GALNTL6: variants seen among roughly 807,000 people sequenced by gnomAD.
GALNTL6 encodes polypeptide N-acetylgalactosaminyltransferase like 6.
In GALNTL6, 46 loss-of-function variants were observed where a neutral mutation model predicts 73.7. That is an observed-to-expected ratio of 0.62 (90% CI 0.49 to 0.80). GALNTL6 has a LOEUF of 0.80. Among genes scored for constraint, GALNTL6 ranks in the 30% least tolerant of loss-of-function variants. The probability of loss-of-function intolerance (pLI) is 0.00; values close to 1 mark genes in which losing one functional copy is unlikely to be tolerated. For synonymous variants in GALNTL6, 259 were observed against 263.7 expected (o/e 0.98, Z 0.17); for missense variants, 604 against 755.0 (o/e 0.80, Z 2.34).
intron 2 of GALNTL6, among the ~76,000 whole-genome samples, chr4:172,121,428 CAA>C (rs1733148710): frequency 1.3e-5 from 2 of 152,126 alleles, no homozygotes; most frequent in South Asian, 4.1e-4. Flanking sequence ...GGTTTTAACA[CAA>C]GTGACTCCAT....
At chr4:172,060,264 T>A (rs1305849374) in intron 2 of GALNTL6, among the ~76,000 whole-genome samples, 1 of 152,126 alleles carries the variant, frequency 6.6e-6, no homozygotes, top group Non-Finnish European at 1.5e-5. Flanking sequence ...AATCAAATAT[T>A]TCTGTATGTA....
intron 5 of GALNTL6, among the ~76,000 whole-genome samples, chr4:172,570,506 A>G (rs1736720826): frequency 6.6e-6 from 1 of 152,166 alleles, no homozygotes; most frequent in Non-Finnish European, 1.5e-5. Context: ...TCTGTAAGCT[A>G]AGGAGAGAGT....
intron 5 of GALNTL6, among the ~76,000 whole-genome samples, chr4:172,745,515 C>G (rs543709104): frequency 2.0e-5 from 3 of 150,696 alleles, no homozygotes; most frequent in African/African-American, 7.4e-5. Context: ...AATCATCTGA[C>G]CAGCAGTGTG....
chr4:172,270,567 G>A (rs1738606650), intron 3 of GALNTL6, among the ~76,000 whole-genome samples: 1 of 152,070 alleles, frequency 6.6e-6, no homozygotes, highest in Non-Finnish European at 1.5e-5. Flanking sequence ...ATCACCTACG[G>A]CTTCTCTGCC....
At chr4:172,163,942 C>T (rs1734547224) in intron 2 of GALNTL6, among the ~76,000 whole-genome samples, 2 of 151,712 alleles carry the variant, frequency 1.3e-5, no homozygotes, top group Admixed American at 1.3e-4. Context: ...CATATATATG[C>T]CTGATCTACT....
intron 2 of GALNTL6, among the ~76,000 whole-genome samples, chr4:172,216,463 C>T (rs1056802848): frequency 6.6e-6 from 1 of 152,030 alleles, no homozygotes; most frequent in Non-Finnish European, 1.5e-5. Flanking sequence ...CCCTTCCCAC[C>T]CACTCTGACT....
intron 12 of GALNTL6, among the ~76,000 whole-genome samples, chr4:173,024,798 C>T (rs983653955): frequency 2.6e-5 from 4 of 152,076 alleles, no homozygotes; most frequent in African/African-American, 4.8e-5. Context: ...ACGCTGGTCT[C>T]GAACTCCTGA....
intron 3 of GALNTL6, among the ~76,000 whole-genome samples, chr4:172,265,219 C>G (rs1280899643): frequency 6.6e-6 from 1 of 151,880 alleles, no homozygotes; most frequent in Non-Finnish European, 1.5e-5. Context: ...AATTGGTTAT[C>G]AACAGAGATG....
chr4:172,392,484 G>C (rs1743700270), intron 5 of GALNTL6, among the ~76,000 whole-genome samples: 1 of 146,664 alleles, frequency 6.8e-6, no homozygotes, highest in African/African-American at 2.5e-5. Flanking sequence ...TTTTAATATA[G>C]AGCAGTCTCG....
intron 2 of GALNTL6, among the ~76,000 whole-genome samples, chr4:172,016,823 G>T (rs556467777): frequency 5.9e-5 from 9 of 151,858 alleles, no homozygotes; most frequent in Admixed American, 2.0e-4. Context: ...GATTCTTGGG[G>T]CTTCTAGGGG....
chr4:172,052,656 T>C (rs558810662), intron 2 of GALNTL6: 73 of 578,616 alleles, frequency 1.3e-4, no homozygotes, highest in Admixed American at 3.4e-4. Context: ...CTCTTTCTTT[T>C]GTGATCACTT....
intron 7 of GALNTL6, among the ~76,000 whole-genome samples, chr4:172,842,230 G>C (rs944162821): frequency 6.6e-6 from 1 of 152,164 alleles, no homozygotes; most frequent in Non-Finnish European, 1.5e-5. Context: ...ATGGCTTAAA[G>C]AATTTACCAT....
chr4:171,998,555 A>T (rs1740569141), intron 2 of GALNTL6, among the ~76,000 whole-genome samples: 1 of 152,136 alleles, frequency 6.6e-6, no homozygotes, highest in Non-Finnish European at 1.5e-5. Context: ...GGGGGTTAGG[A>T]CTTAAATATA....
At chr4:172,263,165 C>T (rs1447194682) in intron 3 of GALNTL6, among the ~76,000 whole-genome samples, 2 of 151,454 alleles carry the variant, frequency 1.3e-5, no homozygotes, top group East Asian at 3.9e-4. Flanking sequence ...ATGTCTAAAT[C>T]TCTAGCAAGG....
intron 3 of GALNTL6, among the ~76,000 whole-genome samples, chr4:172,252,881 A>T (rs1311950156): frequency 6.6e-6 from 1 of 151,970 alleles, no homozygotes; most frequent in African/African-American, 2.4e-5. Flanking sequence ...TAGCAATGAA[A>T]GATTAAGGAA....
chr4:172,331,095 T>C (rs1236906865), intron 4 of GALNTL6, among the ~76,000 whole-genome samples: 2 of 152,118 alleles, frequency 1.3e-5, no homozygotes, highest in East Asian at 1.9e-4. Context: ...TCTTTGCCTA[T>C]TAATTATATT....
chr4:172,893,050 T>G (rs971431509), intron 8 of GALNTL6, among the ~76,000 whole-genome samples: 2 of 152,186 alleles, frequency 1.3e-5, no homozygotes, highest in African/African-American at 4.8e-5. Context: ...CCTGCTGTTC[T>G]TATCCCAGCA....
chr4:172,825,571 G>C (rs1218758930), intron 7 of GALNTL6, among the ~76,000 whole-genome samples: 1 of 152,162 alleles, frequency 6.6e-6, no homozygotes, highest in Non-Finnish European at 1.5e-5. Context: ...AGGAGCTTAG[G>C]ATCTCCCAGC....
Position 172,027,008 on chromosome 4 carries a change from G to A in GALNTL6, c.139-202648G>A, listed in dbSNP as rs1422987928. On this transcript the variant is annotated intron_variant, in intron 2 of 12. Transcript: ENST00000506823. ...GGGCTCAAGTGATCTTTCCACCTCA[G>A]ACTCTCGAGTATGTGGGACTACAGG... Among the ~76,000 whole-genome samples the A allele has an allele frequency of 3.9e-5, 6 of 151,918 alleles. No homozygotes were observed. The East Asian group carries it at 1.2e-3, about 29-fold the overall frequency.
Sources: gnomAD v4.1 joint callset for allele counts (sites outside exome capture counted in the v4.1 genomes callset) on GRCh38, gnomAD v4.1.1 for gene constraint, MANE v1.5 for transcripts, NCBI Gene and HGNC (gene_info 2026-07-23, HGNC 2026-07-21) for gene names.